Variants in UBE3D observed in about 807,000 individuals in gnomAD.
The protein encoded by UBE3D is ubiquitin protein ligase E3D, also known as E3 ubiquitin-protein ligase E3D.
In UBE3D, 48 loss-of-function variants were observed where a neutral mutation model predicts 49.6. The observed-to-expected ratio is 0.97, with a 90% CI of 0.77 to 1.23. The LOEUF (loss-of-function observed/expected upper bound fraction) is 1.23, where lower values mean the gene tolerates loss of function less well. Among genes scored for constraint, UBE3D ranks in the 50% most tolerant of loss-of-function variants. The pLI is 0.00. For missense variants in UBE3D, 452 were observed against 468.4 expected, an observed-to-expected ratio of 0.96 and a Z score of 0.32; for synonymous variants, 189 against 174.2, an observed-to-expected ratio of 1.08 and a Z score of -0.67.
intron 3 of UBE3D, among the ~76,000 whole-genome samples, chr6:83,047,790 A>T (rs1783169101): frequency 6.6e-6 from 1 of 152,148 alleles, no homozygotes; most frequent in Non-Finnish European, 1.5e-5. Context: ...AATGTTCAAT[A>T]ATCTGCATTA....
At chr6:83,021,865 T>C (rs1175732726) in intron 7 of UBE3D, among the ~76,000 whole-genome samples, 2 of 150,546 alleles carry the variant, frequency 1.3e-5, no homozygotes, top group Non-Finnish European at 3.0e-5. Context: ...TGATACTCCA[T>C]CTCAAAAAAA....
At chr6:82,984,182 A>G (rs1027828633) in intron 8 of UBE3D, among the ~76,000 whole-genome samples, 2 of 152,202 alleles carry the variant, frequency 1.3e-5, no homozygotes, top group Non-Finnish European at 2.9e-5. Flanking sequence ...TCAATAAACA[A>G]TAGCACACTA....
intron 8 of UBE3D, among the ~76,000 whole-genome samples, chr6:82,984,080 TCTTCCTTCC>T (rs1261170750): frequency 6.6e-6 from 1 of 152,204 alleles, no homozygotes; most frequent in Non-Finnish European, 1.5e-5. Context: ...CACTGTCTTT[TCTTCCTTCC>T]TTTATAAATA....
At chr6:82,924,046 T>G (rs1438765586) in intron 9 of UBE3D, among the ~76,000 whole-genome samples, 1 of 152,018 alleles carries the variant, frequency 6.6e-6, no homozygotes, top group Non-Finnish European at 1.5e-5. Flanking sequence ...AAGAGGCTTT[T>G]TTTTTTCTTA....
At chr6:83,010,746 G>A (rs979446159) in intron 8 of UBE3D, among the ~76,000 whole-genome samples, 2 of 152,190 alleles carry the variant, frequency 1.3e-5, no homozygotes, top group African/African-American at 4.8e-5. Flanking sequence ...GGAGAAGGAT[G>A]TAGGCTGGGA....
chr6:82,930,225 T>C (rs1421899397), intron 9 of UBE3D, among the ~76,000 whole-genome samples: 1 of 152,186 alleles, frequency 6.6e-6, no homozygotes, highest in Non-Finnish European at 1.5e-5. Context: ...GCCACTACTG[T>C]GCATTTCCTG....
intron 8 of UBE3D, 31 bp downstream of exon 8, chr6:83,018,942 T>C (rs142765517): frequency 0.019 from 30,135 of 1,608,760 alleles, 406 homozygotes; most frequent in Admixed American, 0.061. Context: ...TAAAACATAA[T>C]GTGGAAAGAG....
intron 1 of UBE3D, among the ~76,000 whole-genome samples, chr6:83,064,597 T>G (rs1280902221): frequency 6.6e-6 from 1 of 152,070 alleles, no homozygotes. Flanking sequence ...GGGTTTGTTG[T>G]GTGTGTGTGG....
intron 8 of UBE3D, among the ~76,000 whole-genome samples, chr6:82,990,645 T>C (rs1778820728): frequency 6.6e-6 from 1 of 152,148 alleles, no homozygotes; most frequent in African/African-American, 2.4e-5. Flanking sequence ...AGATAGCTAC[T>C]CTTATGTTCA....
chr6:82,884,702 T>A, the UBE3D span, among the ~76,000 whole-genome samples: 1 of 152,194 alleles, frequency 6.6e-6, no homozygotes, highest in Admixed American at 6.5e-5. Flanking sequence ...ATCATGGTAT[T>A]TCAGGTGGAA....
Position 83,021,782 on chromosome 6 carries a change from T to C in UBE3D, c.846+671A>G, listed in dbSNP as rs561094100. Reference sequence around the variant, plus strand: ...TACTCGGGAGACTGGGGCAGAAGAATGGCATGAACCCAGGAGGCTGAGCTT... The same window carrying C: ...TACTCGGGAGACTGGGGCAGAAGAACGGCATGAACCCAGGAGGCTGAGCTT... On this transcript the variant is annotated intron_variant, in intron 7 of 9. Coordinates refer to ENST00000369747, the MANE Select transcript of UBE3D (RefSeq NM_198920.3). Among the ~76,000 whole-genome samples the C allele has an allele frequency of 1.7e-3, 255 of 151,620 alleles. 1 individual carries two copies. Among genetic ancestry groups the C allele is most frequent in the Non-Finnish European group, 3.0e-3 (204 of 67,906 alleles).
chr6:82,999,455 G>T (rs1562168939), intron 8 of UBE3D, among the ~76,000 whole-genome samples: 1 of 152,082 alleles, frequency 6.6e-6, no homozygotes, highest in South Asian at 2.1e-4. Flanking sequence ...CGCGATCTAG[G>T]CTCATGGCAA....
At chr6:83,010,549 G>C (rs910673993) in intron 8 of UBE3D, among the ~76,000 whole-genome samples, 3 of 152,046 alleles carry the variant, frequency 2.0e-5, no homozygotes, top group African/African-American at 7.2e-5. Flanking sequence ...GTATTAGTAA[G>C]GGTTCTCTAG....
intron 8 of UBE3D, among the ~76,000 whole-genome samples, chr6:82,959,047 T>C (rs947908155): frequency 6.6e-6 from 1 of 152,038 alleles, no homozygotes; most frequent in African/African-American, 2.4e-5. Flanking sequence ...CAATTCCAAG[T>C]CTTGGGTGAT....
chr6:82,975,948 T>A (rs150645832), intron 8 of UBE3D, among the ~76,000 whole-genome samples: 1 of 152,164 alleles, frequency 6.6e-6, no homozygotes, highest in African/African-American at 2.4e-5. Flanking sequence ...GTGATCTGAG[T>A]AGGTATAATA....
chr6:82,887,307 A>G, the UBE3D span, among the ~76,000 whole-genome samples: 1 of 141,634 alleles, frequency 7.1e-6, no homozygotes, highest in Non-Finnish European at 1.5e-5. Flanking sequence ...ACGGCCACAG[A>G]GCAAGACTGT....
At chr6:83,031,201 G>A (rs1781845077) in intron 5 of UBE3D, among the ~76,000 whole-genome samples, 1 of 152,116 alleles carries the variant, frequency 6.6e-6, no homozygotes, top group Non-Finnish European at 1.5e-5. Flanking sequence ...TAGAGACAAG[G>A]TTTCACCATT....
intron 9 of UBE3D, among the ~76,000 whole-genome samples, chr6:82,907,066 TAAAAGAAAA>T (rs1772153959): frequency 6.6e-6 from 1 of 151,964 alleles, no homozygotes; most frequent in African/African-American, 2.4e-5. Context: ...CCTGTATGGG[TAAAAGAAAA>T]ATGGAGGGAG....
chr6:82,988,217 T>C (rs1778654494), intron 8 of UBE3D, among the ~76,000 whole-genome samples: 1 of 152,124 alleles, frequency 6.6e-6, no homozygotes, highest in African/African-American at 2.4e-5. Context: ...AGAACGAACT[T>C]AGAGGAAGCT....
Sources: allele counts gnomAD v4.1 joint callset (sites outside exome capture counted in the v4.1 genomes callset), GRCh38; gene constraint gnomAD v4.1.1; transcripts MANE v1.5; gene names NCBI Gene and HGNC (gene_info 2026-07-23, HGNC 2026-07-21).